PARD3: variants seen among roughly 807,000 people sequenced by gnomAD.
The protein encoded by PARD3 is par-3 family cell polarity regulator.
Under a neutral mutation model 155.4 loss-of-function variants are expected in PARD3, and 75 were observed. The observed-to-expected ratio is 0.48, with a 90% CI of 0.40 to 0.58. PARD3 has a LOEUF of 0.58. Among genes scored for constraint, PARD3 ranks in the 20% least tolerant of loss-of-function variants. The pLI is 0.00. For missense variants in PARD3, 1,642 were observed against 1,721.7 expected, an observed-to-expected ratio of 0.95 and a Z score of 0.82; for synonymous variants, 576 against 610.5, an observed-to-expected ratio of 0.94 and a Z score of 0.83.
intron 3 of PARD3, among the ~76,000 whole-genome samples, chr10:34,470,670 G>C (rs2078291826): frequency 6.6e-6 from 1 of 152,152 alleles, no homozygotes; most frequent in South Asian, 2.1e-4. Context: ...GTACTCAGTA[G>C]AGAGTAATAT....
At chr10:34,591,675 G>A (rs542344958) in intron 2 of PARD3, among the ~76,000 whole-genome samples, 15 of 152,300 alleles carry the variant, frequency 9.8e-5, no homozygotes, top group Admixed American at 4.6e-4. Context: ...TCCCAGTGGG[G>A]AAACAGAATG....
chr10:34,610,506 G>A (rs1217360128), intron 2 of PARD3, among the ~76,000 whole-genome samples: 1 of 152,142 alleles, frequency 6.6e-6, no homozygotes, highest in East Asian at 1.9e-4. Context: ...AACCCAAAAA[G>A]GGTTACGTGT....
In PARD3 at chr10:34,383,217, GTAT is replaced by G. The variant is rs552213760; in HGVS notation, c.1017-298_1017-296del. Among the ~76,000 whole-genome samples, 278 of 152,164 alleles carry G rather than the reference GTAT, an allele frequency of 1.8e-3. 2 individuals are homozygous for G. Among genetic ancestry groups the G allele is most frequent in the African/African-American group, 6.2e-3 (258 of 41,502 alleles). On this transcript the variant is annotated intron_variant, in intron 8 of 24. Transcript: ENST00000374788. ...ATTAAACATGTTTTAAGTATAACAA[GTAT>G]TATAATTTCAATAATAGAAACCAAA... is the stretch of plus-strand genomic sequence containing the variant.
chr10:34,602,252 A>T (rs940301102), intron 2 of PARD3, among the ~76,000 whole-genome samples: 3 of 152,192 alleles, frequency 2.0e-5, no homozygotes, highest in African/African-American at 7.2e-5. Flanking sequence ...TTCAAAAAAA[A>T]TTTCAATGTT....
At chr10:34,190,616 C>G (rs543824009) in intron 22 of PARD3, among the ~76,000 whole-genome samples, 3 of 152,252 alleles carry the variant, frequency 2.0e-5, no homozygotes, top group African/African-American at 7.2e-5. Flanking sequence ...TCTCTGGGCA[C>G]CTTCTCACCC....
chr10:34,164,702 C>T (rs1204933981), intron 22 of PARD3, among the ~76,000 whole-genome samples: 1 of 152,144 alleles, frequency 6.6e-6, no homozygotes, highest in Non-Finnish European at 1.5e-5. Context: ...TGCAGTTTTC[C>T]TGTGCAGAAA....
At chr10:34,116,366 C>G (rs560427476) in intron 24 of PARD3, among the ~76,000 whole-genome samples, 1 of 152,308 alleles carries the variant, frequency 6.6e-6, no homozygotes, top group Admixed American at 6.5e-5. Context: ...TAATGCCATA[C>G]CAACTTGTTT....
chr10:34,318,340 A>C (rs1164550817), intron 19 of PARD3, among the ~76,000 whole-genome samples: 1 of 152,208 alleles, frequency 6.6e-6, no homozygotes, highest in Admixed American at 6.5e-5. Flanking sequence ...TGAGAATTAT[A>C]GGGGGCCATA....
chr10:34,521,744 C>T (rs1011750423), intron 2 of PARD3, among the ~76,000 whole-genome samples: 1 of 152,174 alleles, frequency 6.6e-6, no homozygotes, highest in African/African-American at 2.4e-5. Flanking sequence ...AACAGAAAAC[C>T]TCTTATAGAA....
chr10:34,805,235 T>C (rs1373924506), intron 1 of PARD3, among the ~76,000 whole-genome samples: 7 of 152,064 alleles, frequency 4.6e-5, no homozygotes, highest in Non-Finnish European at 1.0e-4. Context: ...CAGGCGCCTG[T>C]AATCTCAGCT....
At position 34,347,949 on chromosome 10, in the gene PARD3, G is replaced by A. The variant is rs1359261626; in HGVS notation, c.2218+16C>T. On this transcript the variant is annotated intron_variant, in intron 15 of 24. Transcript: ENST00000374788. ...ATCAAAATAAGATGTGATAAACAGA[G>A]TTTTACCTGACTCACCCATTATCCT... 1 of 1,603,274 alleles carries A rather than the reference G, an allele frequency of 6.2e-7. No homozygotes were observed. Among genetic ancestry groups the A allele is most frequent in the Admixed American group, 1.7e-5 (1 of 59,134 alleles).
chr10:34,690,146 G>T (rs1260402225), intron 2 of PARD3, among the ~76,000 whole-genome samples: 2 of 152,138 alleles, frequency 1.3e-5, no homozygotes, highest in African/African-American at 4.8e-5. Flanking sequence ...ATTTCGCCAT[G>T]CTGGCCAGGC....
Position 34,790,806 on chromosome 10 carries a change from T to TA in PARD3, c.120+24069dup, listed in dbSNP as rs377528221. 3.1e-3 allele frequency among the ~76,000 whole-genome samples: 471 copies of TA among 152,200 alleles called. 3 individuals carry two copies. The highest frequency in any genetic ancestry group is 8.5e-3 in the African/African-American group (354 of 41,550). On this transcript the variant is annotated intron_variant, in intron 1 of 24. Coordinates refer to ENST00000374788, the MANE Select transcript of PARD3 (RefSeq NM_001184785.2). ...CATTTCTTTAATCTGTGAAGTTACA[T>TA]AAAAAAATCATTTAGTGCTTGAAAG...
chr10:34,167,729 A>T (rs1949601453), intron 22 of PARD3, among the ~76,000 whole-genome samples: 1 of 152,230 alleles, frequency 6.6e-6, no homozygotes, highest in Admixed American at 6.5e-5. Flanking sequence ...TTATTCTATC[A>T]ACTTCAGCCA....
At chr10:34,187,686 G>A (rs1465373833) in intron 22 of PARD3, among the ~76,000 whole-genome samples, 2 of 152,104 alleles carry the variant, frequency 1.3e-5, no homozygotes, top group Non-Finnish European at 2.9e-5. Context: ...CACGTTTTAC[G>A]GCTAAATTGA....
chr10:34,682,828 T>G (rs1330517955), intron 2 of PARD3, among the ~76,000 whole-genome samples: 1 of 152,124 alleles, frequency 6.6e-6, no homozygotes, highest in South Asian at 2.1e-4. Flanking sequence ...AGAGATTGCA[T>G]CACTGCACTC....
rs1410249280 is a variant in PARD3, at chr10:34,294,381, A to G, written c.3066-10136T>C. 2.0e-5 allele frequency among the ~76,000 whole-genome samples: 3 copies of G among 152,254 alleles called. No homozygotes were observed. In the East Asian group the frequency reaches 5.8e-4, roughly 29 times the overall value. ...TGTTCATAGAGCAGACGAAAGTCAC[A>G]AAGACAGACAAATAATGTGATCATT... On this transcript the variant is annotated intron_variant, in intron 20 of 24. Transcript: ENST00000374788.
chr10:34,699,673 A>C (rs990468771), intron 1 of PARD3, among the ~76,000 whole-genome samples: 2 of 152,174 alleles, frequency 1.3e-5, no homozygotes, highest in South Asian at 4.1e-4. Flanking sequence ...TGAGCAAAAA[A>C]TTGTGATAAG....
chr10:34,803,988 G>C (rs1843081805), intron 1 of PARD3, among the ~76,000 whole-genome samples: 1 of 150,522 alleles, frequency 6.6e-6, no homozygotes. Flanking sequence ...GTAAAAAATA[G>C]TTATCAATCC....
Sources: gnomAD v4.1 joint callset for allele counts (sites outside exome capture counted in the v4.1 genomes callset) on GRCh38, gnomAD v4.1.1 for gene constraint, MANE v1.5 for transcripts, NCBI Gene and HGNC (gene_info 2026-07-23, HGNC 2026-07-21) for gene names.